The following EGFR variants were observed in gnomAD, a reference collection of about 807,000 sequenced individuals.
EGFR encodes the protein epidermal growth factor receptor, also known as avian erythroblastic leukemia viral (v-erb-b) oncogene homolog.
In EGFR, 58 loss-of-function variants were observed where a neutral mutation model predicts 143.0. That is an observed-to-expected ratio of 0.41 (90% CI 0.33 to 0.50). EGFR has a LOEUF of 0.50. Ranked by LOEUF, EGFR falls within the 20% of genes least tolerant of loss-of-function variation. The probability of loss-of-function intolerance (pLI) is 0.39; values close to 1 mark genes in which losing one functional copy is unlikely to be tolerated. For missense variants in EGFR, 1,307 were observed against 1,579.0 expected, an observed-to-expected ratio of 0.83 and a Z score of 2.92; for synonymous variants, 613 against 594.4, an observed-to-expected ratio of 1.03 and a Z score of -0.45.
intron 1 of EGFR, among the ~76,000 whole-genome samples, chr7:55,065,683 A>G (rs1284997220): frequency 6.6e-6 from 1 of 152,186 alleles, no homozygotes; most frequent in African/African-American, 2.4e-5. Flanking sequence ...AAGCGTCCCC[A>G]GAAGGTGTTG....
intron 1 of EGFR, among the ~76,000 whole-genome samples, chr7:55,041,486 A>G (rs543177855): frequency 1.2e-4 from 18 of 152,276 alleles, no homozygotes; most frequent in African/African-American, 4.1e-4. Flanking sequence ...GCCCATACAC[A>G]TCGTACCATG....
intron 19 of EGFR, among the ~76,000 whole-genome samples, chr7:55,175,797 A>G (rs1201164819): frequency 6.6e-6 from 1 of 152,248 alleles, no homozygotes; most frequent in Non-Finnish European, 1.5e-5. Context: ...ATGGGCCTTT[A>G]TAAAAATGTC....
At chr7:55,172,425 T>C (rs1786393890) in intron 16 of EGFR, among the ~76,000 whole-genome samples, 1 of 152,176 alleles carries the variant, frequency 6.6e-6, no homozygotes, top group African/African-American at 2.4e-5. Context: ...ATGCTTTCTA[T>C]GTCTGAATCC....
intron 1 of EGFR, among the ~76,000 whole-genome samples, chr7:55,044,278 T>G (rs927853343): frequency 6.6e-6 from 1 of 152,250 alleles, no homozygotes; most frequent in Non-Finnish European, 1.5e-5. Flanking sequence ...TCTGAACTAT[T>G]CTTTCTTTTG....
At chr7:55,173,351 G>C (rs368419330) in intron 17 of EGFR, among the ~76,000 whole-genome samples, 1 of 152,258 alleles carries the variant, frequency 6.6e-6, no homozygotes, top group African/African-American at 2.4e-5. Flanking sequence ...CCACAAAGCT[G>C]TGTGGCATCT....
intron 11 of EGFR, among the ~76,000 whole-genome samples, chr7:55,158,349 A>T (rs1483321638): frequency 6.6e-6 from 1 of 152,222 alleles, no homozygotes; most frequent in Non-Finnish European, 1.5e-5. Flanking sequence ...TCTCTTAGTG[A>T]AACCCGCCTT....
At chr7:55,097,423 A>C (rs938176073) in intron 1 of EGFR, among the ~76,000 whole-genome samples, 12 of 152,332 alleles carry the variant, frequency 7.9e-5, no homozygotes, top group Non-Finnish European at 1.6e-4. Flanking sequence ...AACTGTAACC[A>C]GCCCAAATAT....
Position 55,055,477 on chromosome 7 carries a change from C to T in EGFR, c.88+36112C>T, listed in dbSNP as rs775575839. On this transcript the variant is annotated intron_variant, in intron 1 of 27. Coordinates refer to ENST00000275493, the MANE Select transcript of EGFR (RefSeq NM_005228.5). ...GTTCAAAACCGAACATGTGCGCATT[C>T]AGTGCACCCATTTTCAACTGTGCAT... 3.3e-5 allele frequency among the ~76,000 whole-genome samples: 5 copies of T among 152,206 alleles called. No individual in the cohort carries two copies. In the East Asian group the frequency reaches 9.6e-4, roughly 29 times the overall value.
intron 1 of EGFR, among the ~76,000 whole-genome samples, chr7:55,103,556 G>C (rs1791947447): frequency 6.6e-6 from 1 of 152,202 alleles, no homozygotes; most frequent in Non-Finnish European, 1.5e-5. Context: ...CACAAGCTAA[G>C]GAAGAAAGCT....
At chr7:55,046,004 T>C (rs898007318) in intron 1 of EGFR, among the ~76,000 whole-genome samples, 84 of 152,336 alleles carry the variant, frequency 5.5e-4, no homozygotes, top group Middle Eastern at 3.4e-3. Context: ...TTGGGACATA[T>C]TGAGTTAAAT....
chr7:55,153,283 C>T (rs1190208239), intron 6 of EGFR, among the ~76,000 whole-genome samples: 1 of 152,248 alleles, frequency 6.6e-6, no homozygotes, highest in Non-Finnish European at 1.5e-5. Context: ...CTTGCTGCCC[C>T]AGCGGGCTCT....
intron 1 of EGFR, among the ~76,000 whole-genome samples, chr7:55,026,916 G>T (rs765881618): frequency 2.0e-5 from 3 of 152,106 alleles, no homozygotes; most frequent in Non-Finnish European, 4.4e-5. Flanking sequence ...GCTTTCAGCG[G>T]GCCCAGCATG....
Position 55,172,825 on chromosome 7 carries a change from G to A in EGFR, c.1920-158G>A, listed in dbSNP as rs183974025. 11 of 1,555,740 alleles carry A rather than the reference G, an allele frequency of 7.1e-6. No individual in the cohort carries two copies. The African/African-American group carries it at 1.5e-4, about 21-fold the overall frequency. ...GAAAGTTGGAAACGTTGCCTTAGAA[G>A]CCTGTTTTTTCTCCTTTTAGAAGCT... On this transcript the variant is annotated intron_variant, in intron 16 of 27. Transcript: ENST00000275493.
intron 1 of EGFR, among the ~76,000 whole-genome samples, chr7:55,108,672 T>C (rs1392321228): frequency 1.3e-5 from 2 of 152,228 alleles, no homozygotes; most frequent in Non-Finnish European, 2.9e-5. Flanking sequence ...GAGGGCCATC[T>C]TCAAATTCTC....
Position 55,205,962 on chromosome 7 carries a change from G to A in EGFR, c.*345G>A, listed in dbSNP as rs1212510693. On this transcript the variant is annotated 3_prime_UTR_variant, in exon 28 of 28. Coordinates refer to ENST00000275493, the MANE Select transcript of EGFR (RefSeq NM_005228.5). Reference sequence around the variant, plus strand: ...GGGGATCTTGGAGTTTTTCATTGTCGCTATTGATTTTTACTTCAATGGGCT... The same window carrying A: ...GGGGATCTTGGAGTTTTTCATTGTCACTATTGATTTTTACTTCAATGGGCT... 3.4e-5 allele frequency: 14 copies of A among 411,444 alleles called. No individual in the cohort carries two copies. Among genetic ancestry groups the A allele is most frequent in the South Asian group, 1.1e-4 (4 of 37,466 alleles). The allele number at this position is 411,444 out of a possible 1,614,324, so 25.5% of individuals were successfully genotyped here. A position where few individuals can be genotyped will look rare whatever the true frequency, so the allele number is the denominator to read the frequency against.
At chr7:55,145,424 A>G (rs539786543) in intron 3 of EGFR, among the ~76,000 whole-genome samples, 17 of 152,274 alleles carry the variant, frequency 1.1e-4, no homozygotes, top group Middle Eastern at 3.4e-3. Context: ...TTCCTTCCTC[A>G]GTTCCTTGCT....
At chr7:55,142,089 A>G (rs1794488908) in intron 1 of EGFR, among the ~76,000 whole-genome samples, 197 bp from the exon 2 acceptor site, 1 of 152,168 alleles carries the variant, frequency 6.6e-6, no homozygotes, top group African/African-American at 2.4e-5. Flanking sequence ...CTTTAGTGAG[A>G]ATTTGTATTA....
chr7:55,143,643 A>C (rs986324217), intron 3 of EGFR, among the ~76,000 whole-genome samples, 155 bp downstream of exon 3: 1 of 152,204 alleles, frequency 6.6e-6, no homozygotes, highest in Non-Finnish European at 1.5e-5. Flanking sequence ...AAGATACTGC[A>C]GGGGAAGTTA....
At chr7:55,160,492 CA>C (rs1785645597) in intron 12 of EGFR, among the ~76,000 whole-genome samples, 154 bp downstream of exon 12, 1 of 152,174 alleles carries the variant, frequency 6.6e-6, no homozygotes, top group Non-Finnish European at 1.5e-5. Flanking sequence ...GTGAAATTAC[CA>C]TGTGAATTCC....
Sources: allele counts gnomAD v4.1 joint callset (sites outside exome capture counted in the v4.1 genomes callset), GRCh38; gene constraint gnomAD v4.1.1; transcripts MANE v1.5; gene names NCBI Gene and HGNC (gene_info 2026-07-23, HGNC 2026-07-21).